The following LAMB4 variants were observed in gnomAD, a reference collection of about 807,000 sequenced individuals.
LAMB4 encodes laminin subunit beta 4, also known as laminin subunit beta-4.
In LAMB4, 196 loss-of-function variants were observed where a neutral mutation model predicts 199.2. The observed-to-expected ratio is 0.98, with a 90% CI of 0.88 to 1.11. The LOEUF (loss-of-function observed/expected upper bound fraction) is 1.11. Among genes scored for constraint, LAMB4 ranks in the 50% least tolerant of loss-of-function variants. LAMB4 has a pLI of 0.00. For missense variants in LAMB4, 2,080 were observed against 2,171.2 expected, an observed-to-expected ratio of 0.96 and a Z score of 0.83; for synonymous variants, 744 against 770.6, an observed-to-expected ratio of 0.97 and a Z score of 0.57.
chr7:108,063,731 C>T (rs758539756), intron 22 of LAMB4, 30 bp downstream of exon 22: 4 of 1,569,618 alleles, frequency 2.5e-6, no homozygotes, highest in South Asian at 2.2e-5. Flanking sequence ...TCAGCTGACA[C>T]ATTTCCCCCT....
intron 28 of LAMB4, among the ~76,000 whole-genome samples, chr7:108,046,230 G>A (rs887052460): frequency 7.0e-6 from 1 of 143,068 alleles, no homozygotes; most frequent in African/African-American, 3.0e-5. Context: ...CACCACTCCT[G>A]GCTAAATTTT....
the LAMB4 span, among the ~76,000 whole-genome samples, chr7:108,012,509 A>G: frequency 7.0e-4 from 107 of 152,378 alleles, no homozygotes; most frequent in African/African-American, 2.4e-3. Flanking sequence ...AAAGTAGACT[A>G]TAAGTTTTGA....
intron 1 of LAMB4, among the ~76,000 whole-genome samples, chr7:108,129,166 A>G (rs1405045363): frequency 6.6e-6 from 1 of 152,226 alleles, no homozygotes; most frequent in Non-Finnish European, 1.5e-5. Context: ...TGGATGAAAC[A>G]GATGAAGAGA....
intron 1 of LAMB4, among the ~76,000 whole-genome samples, chr7:108,124,408 T>TG (rs1324017113): frequency 1.3e-5 from 2 of 152,216 alleles, no homozygotes; most frequent in Non-Finnish European, 2.9e-5. Flanking sequence ...GCAGAAATAA[T>TG]GAGCCAAAGA....
chr7:108,091,600 G>A (rs1429435303), intron 14 of LAMB4, 26 bp downstream of exon 14: 2 of 1,607,266 alleles, frequency 1.2e-6, no homozygotes, highest in African/African-American at 2.7e-5. Context: ...AACACAGTCT[G>A]TAGGGAAAGT....
chr7:108,070,288 TG>T (rs1304224016), intron 17 of LAMB4, among the ~76,000 whole-genome samples: 1 of 152,244 alleles, frequency 6.6e-6, no homozygotes, highest in Non-Finnish European at 1.5e-5. Context: ...GTCTTCTTTT[TG>T]CTTTATCTGT....
At chr7:108,086,634 A>C (rs2037188565) in intron 14 of LAMB4, among the ~76,000 whole-genome samples, 1 of 152,178 alleles carries the variant, frequency 6.6e-6, no homozygotes, top group Admixed American at 6.5e-5. Flanking sequence ...ATGTCAGGGT[A>C]GGAAATGTCA....
intron 23 of LAMB4, among the ~76,000 whole-genome samples, chr7:108,058,989 T>C (rs555239982): frequency 1.3e-5 from 2 of 152,282 alleles, no homozygotes; most frequent in South Asian, 4.1e-4. Context: ...TGCCAGCTTC[T>C]GCTCAAATAT....
rs73725332 is a variant in LAMB4 at position 108,099,952 on chromosome 7, C to G, written c.1181-1370G>C. On this transcript the variant is annotated intron_variant, in intron 10 of 33. Transcript: ENST00000388781. ...TTGAGTTCTGTTTAGTTTGGAAAAG[C>G]CACAATTTTCTTCTAATTAAAGCCA... is the stretch of plus-strand genomic sequence containing the variant. Among the ~76,000 whole-genome samples the G allele has an allele frequency of 4.1e-3, 625 of 152,226 alleles. 4 individuals are homozygous for G. The highest frequency in any genetic ancestry group is 0.014 in the African/African-American group (580 of 41,530).
At position 108,116,020 on chromosome 7, in the gene LAMB4, A is replaced by G; in HGVS notation, c.176T>C (p.Ile59Thr). ...CCAACCCACCTCCAGGTAACTGAGG[A>G]TGCAGTATTTCTGGGCTCTGCTCAG... is the stretch of plus-strand genomic sequence containing the variant. ...CGLSRAQKYC[I>T]LSYLEGEQKC... Residue 59 changes from isoleucine (I) to threonine (T), a missense_variant, in exon 3 of 34, where the codon ATC becomes ACC. Ile to Thr is a moderately conservative substitution (Grantham distance 89). Coordinates refer to ENST00000388781, the MANE Select transcript of LAMB4 (RefSeq NM_007356.3). 1 of 1,613,042 alleles carries G rather than the reference A, an allele frequency of 6.2e-7. No individual in the cohort carries two copies. The highest frequency in any genetic ancestry group is 8.5e-7 in the Non-Finnish European group (1 of 1,179,234).
chr7:108,025,389 T>TTTTCTTTTC (rs1554420521), intron 33 of LAMB4, among the ~76,000 whole-genome samples: 103 of 91,196 alleles, frequency 1.1e-3, no homozygotes, highest in Non-Finnish European at 1.3e-3. Context: ...TTTTCTTTTC[T>TTTTCTTTTC]TTTCTTTCTT....
At chr7:108,120,211 A>G (rs1054398915) in intron 2 of LAMB4, among the ~76,000 whole-genome samples, 2 of 152,216 alleles carry the variant, frequency 1.3e-5, no homozygotes, top group Non-Finnish European at 2.9e-5. Context: ...TAATCTTTTC[A>G]TGAACTTGTT....
At chr7:108,026,878 T>C in intron 33 of LAMB4, 2 of 517,660 alleles carry the variant, frequency 3.9e-6, no homozygotes, top group South Asian at 2.8e-5. Context: ...GCCAAATCAA[T>C]GTCTCATTTT....
rs2037619673 is a variant in LAMB4 at position 108,096,840 on chromosome 7, G to T, written c.1361-1503C>A. ...TAGTTCTAGCTACTTGAATGCTGAG[G>T]TGAGAAAATTGCTTGAGTCCAGGAG... is the stretch of plus-strand genomic sequence containing the variant. On this transcript the variant is annotated intron_variant, in intron 11 of 33. Coordinates refer to ENST00000388781, the MANE Select transcript of LAMB4 (RefSeq NM_007356.3). Among the ~76,000 whole-genome samples the T allele has an allele frequency of 2.0e-5, 3 of 149,044 alleles. No individual in the cohort carries two copies. In the South Asian group the frequency reaches 6.5e-4, roughly 32 times the overall value.
rs201258744 is a variant in LAMB4 at position 108,092,338 on chromosome 7, C to T, written c.1549G>A (p.Val517Met). ...DCDIGGAYSNVCSPKNGQCEC... is the reference protein window; with the variant it reads ...DCDIGGAYSNMCSPKNGQCEC... Reference sequence around the variant, plus strand: ...TGCTATAAAACTTATTTGACTTACACGTTAGAATAAGCACCTCCAATATCA... The same window carrying T: ...TGCTATAAAACTTATTTGACTTACATGTTAGAATAAGCACCTCCAATATCA... The change falls in exon 13 of 34, where the codon GTG (valine) becomes ATG (methionine). Residue 517 changes from valine (V) to methionine (M), a missense_variant and splice_region_variant. Transcript: ENST00000388781. 4.5e-5 allele frequency: 73 copies of T among 1,610,234 alleles called. No homozygotes were observed. Among genetic ancestry groups the T allele is most frequent in the Middle Eastern group, 1.6e-4 (1 of 6,076 alleles).
chr7:108,061,884 A>G (rs2036173281), intron 23 of LAMB4, among the ~76,000 whole-genome samples: 1 of 152,214 alleles, frequency 6.6e-6, no homozygotes, highest in Non-Finnish European at 1.5e-5. Context: ...TAGGTTGAAT[A>G]GTGGAGCTGA....
chr7:108,092,819 G>A (rs184200951), intron 12 of LAMB4, among the ~76,000 whole-genome samples: 73 of 152,136 alleles, frequency 4.8e-4, no homozygotes, highest in African/African-American at 1.5e-3. Flanking sequence ...CAGGAGAATC[G>A]TTTGAACGTG....
intron 18 of LAMB4, among the ~76,000 whole-genome samples, chr7:108,069,360 C>G (rs536488033): frequency 5.9e-5 from 9 of 152,270 alleles, no homozygotes; most frequent in African/African-American, 2.2e-4. Flanking sequence ...ATGAAATGGG[C>G]AAGTTACATA....
intron 23 of LAMB4, chr7:108,062,268 C>T (rs1023716773): frequency 2.0e-5 from 3 of 152,180 alleles, no homozygotes; most frequent in African/African-American, 7.2e-5. Flanking sequence ...GCTCCTGGTA[C>T]ACATGCCTAC....
Sources: allele counts gnomAD v4.1 joint callset (sites outside exome capture counted in the v4.1 genomes callset), GRCh38; gene constraint gnomAD v4.1.1; transcripts MANE v1.5; gene names NCBI Gene and HGNC (gene_info 2026-07-23, HGNC 2026-07-21).